Variants in HDLBP observed in about 807,000 individuals in gnomAD.
HDLBP encodes high density lipoprotein binding protein.
Under a neutral mutation model 137.3 loss-of-function variants are expected in HDLBP, and 30 were observed. That is an observed-to-expected ratio of 0.22 (90% CI 0.16 to 0.30). The LOEUF is 0.30. Among genes scored for constraint, HDLBP ranks in the 10% least tolerant of loss-of-function variants. The pLI is 1.00. For missense variants in HDLBP, 1,119 were observed against 1,667.3 expected (o/e 0.67, Z 5.73); for synonymous variants, 606 against 596.0 (o/e 1.02, Z -0.24).
At chr2:241,256,430 A>C in intron 6 of HDLBP, 31 bp from the exon 7 acceptor site, 1 of 1,570,286 alleles carries the variant, frequency 6.4e-7, no homozygotes, top group Non-Finnish European at 8.7e-7. Flanking sequence ...TGATGAGAAC[A>C]GGCCTTTGAA....
At chr2:241,257,922 T>C (rs559648462) in intron 5 of HDLBP, among the ~76,000 whole-genome samples, 9 of 152,130 alleles carry the variant, frequency 5.9e-5, no homozygotes, top group Non-Finnish European at 1.2e-4. Context: ...AATATAAACA[T>C]TTAGGACATG....
chr2:241,262,068 T>A (rs2073242951), intron 5 of HDLBP, among the ~76,000 whole-genome samples: 1 of 152,250 alleles, frequency 6.6e-6, no homozygotes. Flanking sequence ...GCATCAGAGA[T>A]TTGCTTATTA....
intron 16 of HDLBP, among the ~76,000 whole-genome samples, chr2:241,244,403 C>T (rs1038110095): frequency 1.6e-4 from 24 of 152,162 alleles, no homozygotes; most frequent in African/African-American, 4.8e-4. Context: ...AGAGACACAT[C>T]CTAACTTGCT....
intron 3 of HDLBP, 49 bp from the exon 4 acceptor site, chr2:241,264,654 A>G: frequency 6.3e-7 from 1 of 1,574,872 alleles, no homozygotes; most frequent in Non-Finnish European, 8.7e-7. Context: ...TTAGCATTAC[A>G]TGAAAAACAC....
chr2:241,275,397 C>T (rs543081418), intron 1 of HDLBP, among the ~76,000 whole-genome samples: 14 of 151,688 alleles, frequency 9.2e-5, no homozygotes, highest in South Asian at 4.2e-4. Flanking sequence ...GAAAAAAAAT[C>T]GAGAGATGGA....
chr2:241,305,246 G>C (rs1427598171), intron 1 of HDLBP, among the ~76,000 whole-genome samples: 1 of 152,186 alleles, frequency 6.6e-6, no homozygotes, highest in Non-Finnish European at 1.5e-5. Flanking sequence ...GTCTCAGCCT[G>C]CTGAGTAGCT....
At chr2:241,242,391 T>G in intron 17 of HDLBP, 69 bp downstream of exon 17, 117 of 1,342,552 alleles carry the variant, frequency 8.7e-5, no homozygotes, top group Non-Finnish European at 1.0e-4. Flanking sequence ...GTTTCCACAG[T>G]GAGAAGCGAG....
intron 1 of HDLBP, among the ~76,000 whole-genome samples, chr2:241,298,990 C>T (rs1465840188): frequency 1.3e-5 from 2 of 152,146 alleles, no homozygotes; most frequent in Admixed American, 6.5e-5. Flanking sequence ...GATCAGAAGG[C>T]GGCAACGCAT....
chr2:241,234,271 C>T (rs995156082), intron 23 of HDLBP, among the ~76,000 whole-genome samples: 11 of 152,130 alleles, frequency 7.2e-5, no homozygotes, highest in Non-Finnish European at 8.8e-5. Flanking sequence ...GCTTGGGGCC[C>T]CGCTCTCCTC....
intron 5 of HDLBP, among the ~76,000 whole-genome samples, chr2:241,258,625 C>T (rs900020946): frequency 5.9e-5 from 9 of 152,024 alleles, no homozygotes; most frequent in Non-Finnish European, 1.3e-4. Flanking sequence ...CCAAATAGAT[C>T]AGAAACTGAA....
intron 1 of HDLBP, chr2:241,302,754 CAG>C (rs796392574): frequency 1.3e-5 from 2 of 152,324 alleles, no homozygotes; most frequent in African/African-American, 4.8e-5. Flanking sequence ...CAGCTCTCTC[CAG>C]AGTCTCCACA....
At chr2:241,249,219 T>C (rs934513187) in intron 12 of HDLBP, 24 of 436,132 alleles carry the variant, frequency 5.5e-5, no homozygotes, top group African/African-American at 3.7e-4. Flanking sequence ...AAGAATCCCC[T>C]AAGCGAATGA....
Position 241,272,733 on chromosome 2 carries a change from GCCTCCCAGCCCCGTGTTGC to G in HDLBP, c.-102-4211_-102-4193del. On this transcript the variant is annotated intron_variant, in intron 1 of 27. Coordinates refer to ENST00000310931, the MANE Select transcript of HDLBP (RefSeq NM_005336.6). This position sits in a 1 kb window ranked among gnomAD's most constrained non-coding sequence, Gnocchi z 5.6. ...CCGCCCCGTCCGCCCGCCCGCCCAGGCCTCCCAGCCCCGTGTTGCGCGCTCACTCGTGGGCCCCCGCCCG... is the reference window on the plus strand; with the variant it reads ...CCGCCCCGTCCGCCCGCCCGCCCAGGGCGCTCACTCGTGGGCCCCCGCCCG... 2.5e-6 allele frequency: 1 copy of G among 401,614 alleles called. No individual in the cohort carries two copies. The highest frequency in any genetic ancestry group is 3.1e-6 in the Non-Finnish European group (1 of 321,466). 24.9% of individuals were successfully genotyped at this position (401,614 alleles called of 1,614,324 possible).
chr2:241,314,072 T>C (rs991094848), intron 1 of HDLBP, among the ~76,000 whole-genome samples: 1 of 152,184 alleles, frequency 6.6e-6, no homozygotes, highest in Non-Finnish European at 1.5e-5. Context: ...CCAGCTCCAT[T>C]TTCCCCAAGT....
chr2:241,232,614 A>G (rs2069906436), intron 24 of HDLBP, among the ~76,000 whole-genome samples: 1 of 152,146 alleles, frequency 6.6e-6, no homozygotes, highest in Non-Finnish European at 1.5e-5. Flanking sequence ...ATAGAATAGT[A>G]GAGGGAAATA....
rs756722367 is a variant in HDLBP, at chr2:241,256,264, G to A, written c.793C>T (p.Arg265Trp). The A allele has an allele frequency of 1.9e-6, 3 of 1,614,000 alleles. No individual in the cohort carries two copies. Among genetic ancestry groups the A allele is most frequent in the East Asian group, 2.2e-5 (1 of 44,894 alleles). ...RINIPPPSVN[R>W]TEIVFTGEKE... Reference sequence around the variant, plus strand: ...TCTCCAGTGAAGACAATCTCTGTCCGGTTCACGCTGGGTGGGGGGATGTTG... The same window carrying A: ...TCTCCAGTGAAGACAATCTCTGTCCAGTTCACGCTGGGTGGGGGGATGTTG... Residue 265 changes from arginine (R) to tryptophan (W), a missense_variant, in exon 7 of 28, where the codon CGG becomes TGG. This residue lies in a region of HDLBP where 425 missense variants were observed against 693.9 expected (regional missense o/e 0.61). Transcript: ENST00000310931.
intron 16 of HDLBP, among the ~76,000 whole-genome samples, chr2:241,244,995 C>A (rs2071548552): frequency 6.6e-6 from 1 of 151,946 alleles, no homozygotes; most frequent in African/African-American, 2.4e-5. Flanking sequence ...TGTGAATGTA[C>A]TCAGTTGAAT....
intron 7 of HDLBP, 81 bp downstream of exon 7, chr2:241,256,103 C>G: frequency 8.5e-7 from 1 of 1,178,504 alleles, no homozygotes; most frequent in Non-Finnish European, 1.3e-6. Context: ...AGGGGCAGAA[C>G]CAGGCCTTAA....
intron 15 of HDLBP, 36 bp downstream of exon 15, chr2:241,247,020 G>A (rs907972820): frequency 3.2e-6 from 5 of 1,569,704 alleles, no homozygotes; most frequent in Admixed American, 1.7e-5. Context: ...AGAGGACAAG[G>A]CAAGAAGAAG....
Sources: allele counts gnomAD v4.1 joint callset (sites outside exome capture counted in the v4.1 genomes callset), GRCh38; gene constraint gnomAD v4.1.1; regional missense constraint gnomAD v4.1.1; non-coding constraint Gnocchi (gnomAD v3.1); transcripts MANE v1.5; gene names NCBI Gene and HGNC (gene_info 2026-07-23, HGNC 2026-07-21).